XIRP2: variants seen among roughly 807,000 people sequenced by gnomAD.
The protein encoded by XIRP2 is xin actin-binding repeat-containing protein 2.
A neutral mutation model predicts 277.0 loss-of-function variants in XIRP2; 236 were observed. The observed-to-expected ratio is 0.85, with a 90% CI of 0.77 to 0.95. The LOEUF (loss-of-function observed/expected upper bound fraction) is 0.95. Ranked by LOEUF, XIRP2 falls within the 40% of genes least tolerant of loss-of-function variation. The probability of loss-of-function intolerance (pLI) is 0.00; values close to 1 mark genes in which losing one functional copy is unlikely to be tolerated. For missense variants in XIRP2, 4,640 were observed against 4,157.5 expected, an observed-to-expected ratio of 1.12 and a Z score of -3.19; for synonymous variants, 1,490 against 1,416.5, an observed-to-expected ratio of 1.05 and a Z score of -1.17.
intron 2 of XIRP2, among the ~76,000 whole-genome samples, 199 bp downstream of exon 2, chr2:166,904,089 C>G (rs1684457458): frequency 6.6e-6 from 1 of 152,060 alleles, no homozygotes; most frequent in South Asian, 2.1e-4. Flanking sequence ...ACTTGACTTC[C>G]TTTTTCTTCC....
At chr2:167,007,521 A>G (rs1291503294) in intron 2 of XIRP2, among the ~76,000 whole-genome samples, 2 of 151,722 alleles carry the variant, frequency 1.3e-5, no homozygotes, top group Non-Finnish European at 3.0e-5. Flanking sequence ...GTAGCAAAGT[A>G]GATTCATTGA....
At chr2:167,135,830 G>T (rs1691528857) in intron 2 of XIRP2, 79 bp from the exon 3 acceptor site, 3 of 1,305,442 alleles carry the variant, frequency 2.3e-6, no homozygotes, top group South Asian at 2.1e-5. Context: ...TTTCATTTCT[G>T]CCTTCTAACC....
At chr2:167,020,586 G>T (rs555506226) in intron 2 of XIRP2, among the ~76,000 whole-genome samples, 1 of 152,036 alleles carries the variant, frequency 6.6e-6, no homozygotes, top group Admixed American at 6.6e-5. Flanking sequence ...GTGTGTGTGT[G>T]TTCTACCCAG....
Position 167,259,346 on chromosome 2 carries a change from T to G in XIRP2, c.*1529T>G, listed in dbSNP as rs762156602. On this transcript the variant is annotated 3_prime_UTR_variant, in exon 11 of 11. Coordinates refer to ENST00000409195, the MANE Select transcript of XIRP2 (RefSeq NM_152381.6). ...AGAGCAGATTAAAAGAAACAGGTGC[T>G]ACAGTGACACTGAGTAAAATATCTA... The G allele has an allele frequency of 6.2e-7, 1 of 1,608,286 alleles. No homozygotes were observed. The highest frequency in any genetic ancestry group is 1.1e-5 in the South Asian group (1 of 89,966).
chr2:166,912,247 A>G (rs1418147447), intron 2 of XIRP2, among the ~76,000 whole-genome samples: 1 of 152,178 alleles, frequency 6.6e-6, no homozygotes, highest in Non-Finnish European at 1.5e-5. Context: ...AGGTACACCA[A>G]TCAGACATAG....
At chr2:167,163,719 CCT>C (rs1302573847) in intron 3 of XIRP2, among the ~76,000 whole-genome samples, 1 of 152,124 alleles carries the variant, frequency 6.6e-6, no homozygotes, top group African/African-American at 2.4e-5. Flanking sequence ...GATCTCTGAA[CCT>C]CTTTCTACTC....
At chr2:167,019,443 T>G (rs552124331) in intron 2 of XIRP2, among the ~76,000 whole-genome samples, 1 of 152,036 alleles carries the variant, frequency 6.6e-6, no homozygotes, top group Non-Finnish European at 1.5e-5. Context: ...CTGGGAGAAA[T>G]ATGAATATAG....
chr2:167,250,854 A>G lies in XIRP2; in HGVS notation c.9462A>G (p.Pro3154=). 1 of 1,613,432 alleles carries G rather than the reference A, an allele frequency of 6.2e-7. No homozygotes were observed. The highest frequency in any genetic ancestry group is 8.5e-7 in the Non-Finnish European group (1 of 1,179,668). The change falls in exon 9 of 11, where the codon CCA becomes CCG. Residue 3154 remains proline, a synonymous_variant. Transcript: ENST00000409195. ...AAAAGGACAGTTATGTTGAACCCCC[A>G]CCAAGAAGGCCCATGTCGCAAAAAT... The part of the protein sequence containing the change: ...SPKKDSYVEP[P]PRRPMSQKSE...
chr2:167,245,737 G>A lies in XIRP2; in HGVS notation c.4345G>A (p.Val1449Ile), dbSNP rs1443115794. 5 of 1,613,692 alleles carry A rather than the reference G, an allele frequency of 3.1e-6. No homozygotes were observed. Among genetic ancestry groups the A allele is most frequent in the African/African-American group, 2.7e-5 (2 of 75,010 alleles). The change falls in exon 9 of 11, where the codon GTT becomes ATT. Residue 1449 changes from valine (V) to isoleucine (I), a missense_variant. Coordinates refer to ENST00000409195, the MANE Select transcript of XIRP2 (RefSeq NM_152381.6). ...VSVNEIQKGN[V>I]KTSTWLFETH... ...TGTCAATGAAATACAAAAGGGCAAT[G>A]TTAAAACATCTACTTGGCTATTTGA...
chr2:166,903,238 A>T (rs368277572), intron 1 of XIRP2, among the ~76,000 whole-genome samples: 1 of 152,140 alleles, frequency 6.6e-6, no homozygotes, highest in Non-Finnish European at 1.5e-5. Context: ...TCAAACTGCC[A>T]TGGCTATACA....
At chr2:167,187,543 A>G (rs192636249) in intron 3 of XIRP2, 91 of 985,088 alleles carry the variant, frequency 9.2e-5, no homozygotes, top group Non-Finnish European at 1.1e-4. Flanking sequence ...TAAGTGTAAT[A>G]TAGTCATTGA....
chr2:167,229,678 C>G (rs985097637), intron 5 of XIRP2, among the ~76,000 whole-genome samples: 16 of 151,998 alleles, frequency 1.1e-4, no homozygotes, highest in Non-Finnish European at 1.5e-5. Flanking sequence ...CTTCTCTATT[C>G]TTTTTGATGT....
intron 1 of XIRP2, among the ~76,000 whole-genome samples, chr2:166,900,317 A>T (rs1684349939): frequency 6.6e-6 from 1 of 152,004 alleles, no homozygotes; most frequent in Non-Finnish European, 1.5e-5. Context: ...CAATTCTAGA[A>T]TTTTAATTCG....
intron 2 of XIRP2, among the ~76,000 whole-genome samples, chr2:166,983,288 T>C (rs1042795934): frequency 2.0e-5 from 3 of 152,204 alleles, no homozygotes; most frequent in African/African-American, 7.2e-5. Flanking sequence ...TAATTTTTCA[T>C]TCAAAAATTT....
chr2:167,197,850 C>G (rs1313588931), intron 3 of XIRP2, among the ~76,000 whole-genome samples: 1 of 152,084 alleles, frequency 6.6e-6, no homozygotes, highest in East Asian at 1.9e-4. Context: ...TTTCTGTTTG[C>G]AAGTGTTAAA....
Position 166,903,792 on chromosome 2 carries a change from C to T in XIRP2, c.310C>T (p.Arg104Trp), listed in dbSNP as rs372476244. The T allele has an allele frequency of 5.0e-5, 81 of 1,613,486 alleles. 1 individual carries two copies. The African/African-American group carries it at 5.1e-4, about 10-fold the overall frequency. The change falls in exon 2 of 11, where the codon CGG (arginine) becomes TGG (tryptophan). Residue 104 changes from arginine to tryptophan, a missense_variant. By Grantham distance (101) the Arg-to-Trp change is moderately radical. Coordinates refer to ENST00000409195, the MANE Select transcript of XIRP2 (RefSeq NM_152381.6). ...GCTGAAGGAGGATTCCCTGAGCAGT[C>T]GGCGCAGGATTGAACGCTTTTCCAT... ...EVLKEDSLSSRRRIERFSIAL... is the reference protein window; with the variant it reads ...EVLKEDSLSSWRRIERFSIAL...
chr2:166,965,581 G>T (rs1191298739), intron 2 of XIRP2, among the ~76,000 whole-genome samples: 1 of 150,742 alleles, frequency 6.6e-6, no homozygotes, highest in African/African-American at 2.5e-5. Context: ...TGTGTTTGTT[G>T]TTTGTTTGTT....
In XIRP2 at chr2:167,210,822, T is replaced by A. The variant is rs751415986; in HGVS notation, c.650T>A (p.Val217Asp). Residue 217 changes from valine (V) to aspartate (D), a missense_variant, in exon 4 of 11, where the codon GTC becomes GAC. Coordinates refer to ENST00000409195, the MANE Select transcript of XIRP2 (RefSeq NM_152381.6). ...GGTGTGTCAGACCTCCACGAAGTGG[T>A]CTCCCTGAAGGAGCGGATGGCGAGG... ...GEGVSDLHEV[V>D]SLKERMARYQ... 40 of 1,614,036 alleles carry A rather than the reference T, an allele frequency of 2.5e-5. No individual in the cohort carries two copies. Among genetic ancestry groups the A allele is most frequent in the Non-Finnish European group, 3.3e-5 (39 of 1,180,038 alleles).
intron 2 of XIRP2, among the ~76,000 whole-genome samples, chr2:166,997,415 A>T (rs1299688699): frequency 6.6e-6 from 1 of 152,228 alleles, no homozygotes; most frequent in African/African-American, 2.4e-5. Context: ...AAATGTTTAA[A>T]TGAGGAGGTA....
Sources: gnomAD v4.1 joint callset for allele counts (sites outside exome capture counted in the v4.1 genomes callset) on GRCh38, gnomAD v4.1.1 for gene constraint, MANE v1.5 for transcripts, NCBI Gene and HGNC (gene_info 2026-07-23, HGNC 2026-07-21) for gene names.